IFT74: variants seen among roughly 807,000 people sequenced by gnomAD.
The protein encoded by IFT74 is intraflagellar transport protein 74 homolog.
Under a neutral mutation model 96.7 loss-of-function variants are expected in IFT74, and 92 were observed. The observed-to-expected ratio is 0.95, with a 90% confidence interval of 0.80 to 1.13. The LOEUF is 1.13. IFT74 is among the 50% of genes most tolerant of loss of function. The pLI, the probability that IFT74 is intolerant of heterozygous loss-of-function variation, is 0.00. For synonymous variants in IFT74, 223 were observed against 213.2 expected, an observed-to-expected ratio of 1.05 and a Z score of -0.40; for missense variants, 811 against 698.2, an observed-to-expected ratio of 1.16 and a Z score of -1.82.
At chr9:27,050,531 G>C (rs564295542) in intron 16 of IFT74, among the ~76,000 whole-genome samples, 2 of 152,178 alleles carry the variant, frequency 1.3e-5, no homozygotes, top group Admixed American at 1.3e-4. Context: ...TGGCTTCTGT[G>C]GGTGTTCTTT....
Position 27,048,303 on chromosome 9 carries a change from C to CT in IFT74, c.1333+38dup, listed in dbSNP as rs200951698. On this transcript the variant is annotated intron_variant, in intron 16 of 19. Coordinates refer to ENST00000380062, the MANE Select transcript of IFT74 (RefSeq NM_025103.4). ...AGAAAACAACCTAGATTTTAATATTCTTTTTTTTTAAAATATATCAATGTT... is the reference window on the plus strand; with the variant it reads ...AGAAAACAACCTAGATTTTAATATTCTTTTTTTTTTAAAATATATCAATGTT... The CT allele has an allele frequency of 8.3e-3, 12,062 of 1,455,778 alleles. 50 individuals are homozygous for CT. The highest frequency in any genetic ancestry group is 1.0e-2 in the Non-Finnish European group (10,724 of 1,073,440). The allele number at this position is 1,455,778 out of a possible 1,614,324, so 90.2% of individuals were successfully genotyped here.
At chr9:26,991,297 C>T (rs1827854439) in intron 8 of IFT74, among the ~76,000 whole-genome samples, 1 of 152,126 alleles carries the variant, frequency 6.6e-6, no homozygotes, top group Non-Finnish European at 1.5e-5. Flanking sequence ...GCTCATGGCT[C>T]ACTGCAGCCT....
At position 26,978,060 on chromosome 9, in the gene IFT74, G is replaced by A; in HGVS notation, c.121-68G>A. The A allele has an allele frequency of 5.7e-6, 8 of 1,394,986 alleles. No homozygotes were observed. In the South Asian group the frequency reaches 1.1e-4, roughly 18 times the overall value. 86.4% of individuals were successfully genotyped at this position (1,394,986 alleles called of 1,614,324 possible). ...GTTTTTTTAAAAAATTGTCTTTGCA[G>A]TTTTACAATAAAAGATGTACAGTGT... On this transcript the variant is annotated intron_variant, in intron 2 of 19. Coordinates refer to ENST00000380062, the MANE Select transcript of IFT74 (RefSeq NM_025103.4).
At chr9:26,963,237 C>A (rs1563935241) in intron 2 of IFT74, among the ~76,000 whole-genome samples, 1 of 151,796 alleles carries the variant, frequency 6.6e-6, no homozygotes, top group African/African-American at 2.4e-5. Context: ...CGGTAGTTTA[C>A]TGAGAATGAT....
intron 12 of IFT74, 63 bp downstream of exon 12, chr9:27,018,750 G>T: frequency 1.0e-6 from 1 of 1,000,870 alleles, no homozygotes; most frequent in South Asian, 1.9e-5. Context: ...ACATTCTAAA[G>T]GTACAGGAGT....
intron 8 of IFT74, among the ~76,000 whole-genome samples, chr9:27,005,412 G>T (rs1355810353): frequency 2.6e-5 from 3 of 117,644 alleles, no homozygotes; most frequent in African/African-American, 3.4e-5. Context: ...ATTTAGGAAA[G>T]ACCCTTTGGC....
At chr9:26,947,262 A>C in intron 1 of IFT74, 1 of 551,658 alleles carries the variant, frequency 1.8e-6, no homozygotes, top group Non-Finnish European at 3.1e-6. Flanking sequence ...TCCGGAATTC[A>C]TCATCGGCCT....
intron 14 of IFT74, 82 bp from the exon 15 acceptor site, chr9:27,047,192 G>A (rs971955994): frequency 7.7e-6 from 6 of 781,530 alleles, no homozygotes; most frequent in East Asian, 2.9e-5. Flanking sequence ...ATTCTAAAAA[G>A]CACTCTTAAG....
At chr9:26,994,753 T>A (rs951687769) in intron 8 of IFT74, 3 of 152,540 alleles carry the variant, frequency 2.0e-5, no homozygotes, top group Non-Finnish European at 4.4e-5. Flanking sequence ...GAAGATTCCT[T>A]AGTGTCAGCA....
chr9:27,031,716 T>C (rs1830131445), intron 13 of IFT74, among the ~76,000 whole-genome samples: 1 of 115,422 alleles, frequency 8.7e-6, no homozygotes, highest in Admixed American at 9.9e-5. Flanking sequence ...CCTCTTGCCT[T>C]AGCTAAATAA....
intron 8 of IFT74, among the ~76,000 whole-genome samples, chr9:27,007,543 T>A (rs963187288): frequency 1.3e-5 from 2 of 152,254 alleles, no homozygotes; most frequent in African/African-American, 4.8e-5. Flanking sequence ...AGATACCACT[T>A]CTTCTCCAAC....
At chr9:27,027,192 A>G (rs1039513979) in intron 12 of IFT74, among the ~76,000 whole-genome samples, 2 of 152,208 alleles carry the variant, frequency 1.3e-5, no homozygotes, top group Admixed American at 6.5e-5. Context: ...GAGCACCTTT[A>G]CACGCACAAA....
chr9:27,009,851 G>C (rs1828966812), intron 9 of IFT74, among the ~76,000 whole-genome samples: 1 of 151,662 alleles, frequency 6.6e-6, no homozygotes. Context: ...ATACACAATT[G>C]TACATATTTA....
chr9:26,998,722 G>A (rs187793906), intron 8 of IFT74, among the ~76,000 whole-genome samples: 11 of 151,966 alleles, frequency 7.2e-5, no homozygotes, highest in Admixed American at 5.2e-4. Flanking sequence ...GGTGGCTCAC[G>A]CCTGTAATCC....
In IFT74 at chr9:27,063,998, C is replaced by G. The variant is rs140094210; in HGVS notation, c.*1262C>G. ...TTCATGGTCAAAGAAGTTTGGGAAACGTTGTCTGAAACAAAGGTGAATTAT... is the reference window on the plus strand; with the variant it reads ...TTCATGGTCAAAGAAGTTTGGGAAAGGTTGTCTGAAACAAAGGTGAATTAT... On this transcript the variant is annotated 3_prime_UTR_variant, in exon 20 of 20. Coordinates refer to ENST00000380062, the MANE Select transcript of IFT74 (RefSeq NM_025103.4). Among the ~76,000 whole-genome samples, 1 of 152,024 alleles carries G rather than the reference C, an allele frequency of 6.6e-6. No homozygotes were observed. The highest frequency in any genetic ancestry group is 2.4e-5 in the African/African-American group (1 of 41,430).
intron 1 of IFT74, among the ~76,000 whole-genome samples, chr9:26,958,193 A>T (rs546430808): frequency 5.3e-5 from 8 of 152,378 alleles, no homozygotes; most frequent in African/African-American, 1.9e-4. Context: ...GATGATTAAG[A>T]TTCAGCTCTT....
At chr9:26,984,419 T>A in intron 5 of IFT74, 64 bp downstream of exon 5, 2 of 1,581,360 alleles carry the variant, frequency 1.3e-6, no homozygotes, top group Admixed American at 1.7e-5. Context: ...TTTGTAGCTA[T>A]CCATATTGTT....
At chr9:27,061,212 G>A (rs1820408911) in intron 19 of IFT74, among the ~76,000 whole-genome samples, 1 of 152,070 alleles carries the variant, frequency 6.6e-6, no homozygotes, top group South Asian at 2.1e-4. Flanking sequence ...AGCAGATTTT[G>A]GGAGTTGCCA....
chr9:26,948,613 C>A (rs1050989012), intron 1 of IFT74, among the ~76,000 whole-genome samples: 1 of 151,328 alleles, frequency 6.6e-6, no homozygotes, highest in Non-Finnish European at 1.5e-5. Context: ...ACTACAGGAG[C>A]GCGCCACCAT....
Sources: allele counts gnomAD v4.1 joint callset (sites outside exome capture counted in the v4.1 genomes callset), GRCh38; gene constraint gnomAD v4.1.1; transcripts MANE v1.5; gene names NCBI Gene and HGNC (gene_info 2026-07-23, HGNC 2026-07-21).